P3H2: variants seen among roughly 807,000 people sequenced by gnomAD.
P3H2 encodes prolyl 3-hydroxylase 2.
A neutral mutation model predicts 87.0 loss-of-function variants in P3H2; 80 were observed. The ratio of observed to expected loss-of-function variants is 0.92; its 90% CI spans 0.77 to 1.11. The LOEUF is 1.11. Ranked by LOEUF, P3H2 falls within the 50% of genes least tolerant of loss-of-function variation. The probability of loss-of-function intolerance (pLI) is 0.00; values close to 1 mark genes in which losing one functional copy is unlikely to be tolerated. For synonymous variants in P3H2, 367 were observed against 359.3 expected, an observed-to-expected ratio of 1.02 and a Z score of -0.24; for missense variants, 1,001 against 923.9, an observed-to-expected ratio of 1.08 and a Z score of -1.08.
chr3:190,025,552 C>T (rs571794116), intron 1 of P3H2, among the ~76,000 whole-genome samples: 6 of 152,156 alleles, frequency 3.9e-5, no homozygotes, highest in South Asian at 4.1e-4. Context: ...GGTTATGATG[C>T]GGATAATGTA....
intron 1 of P3H2, among the ~76,000 whole-genome samples, chr3:190,109,863 T>C (rs1577328502): frequency 7.6e-6 from 1 of 131,948 alleles, no homozygotes. Context: ...TTTTTTTTTT[T>C]TTTGACACAG....
intron 1 of P3H2, among the ~76,000 whole-genome samples, chr3:190,059,231 CTGTCTCCCCTACTGA>C (rs1238273838): frequency 6.6e-6 from 1 of 152,134 alleles, no homozygotes; most frequent in East Asian, 1.9e-4. Flanking sequence ...GTCTTCATGT[CTGTCTCCCCTACTGA>C]TGGTGAGTTT....
intron 1 of P3H2, among the ~76,000 whole-genome samples, chr3:190,053,807 T>G (rs541629574): frequency 6.6e-6 from 1 of 152,236 alleles, no homozygotes; most frequent in African/African-American, 2.4e-5. Flanking sequence ...GGGGCCCAAT[T>G]TGTTGATCTA....
Position 190,019,788 on chromosome 3 carries a change from ATAT to A in P3H2, c.481-24349_481-24347del, listed in dbSNP as rs1560365206. On this transcript the variant is annotated intron_variant, in intron 1 of 14. Coordinates refer to ENST00000319332, the MANE Select transcript of P3H2 (RefSeq NM_018192.4). ...TGACATTACCTAGAAATTAAAAAAT[ATAT>A]ATATATATATATATATATATATATA... Among the ~76,000 whole-genome samples the A allele has an allele frequency of 6.3e-4, 21 of 33,182 alleles. 5 individuals are homozygous for A. Among genetic ancestry groups the A allele is most frequent in the East Asian group, 2.7e-3 (2 of 748 alleles). 21.8% of individuals were successfully genotyped at this position (33,182 alleles called of 152,430 possible).
At position 190,040,100 on chromosome 3, in the gene P3H2, C is replaced by T. The variant is rs144567906; in HGVS notation, c.481-44658G>A. On this transcript the variant is annotated intron_variant, in intron 1 of 14. Coordinates refer to ENST00000319332, the MANE Select transcript of P3H2 (RefSeq NM_018192.4). ...TTTTTATATGTAATAATTCAAGATG[C>T]GTATCTTCAAGTCCTCAGTAATTGG... Among the ~76,000 whole-genome samples, 722 of 152,184 alleles carry T rather than the reference C, an allele frequency of 4.7e-3. 8 individuals carry two copies. The highest frequency in any genetic ancestry group is 0.016 in the African/African-American group (676 of 41,496).
At chr3:190,068,672 G>A (rs1726594245) in intron 1 of P3H2, among the ~76,000 whole-genome samples, 1 of 152,134 alleles carries the variant, frequency 6.6e-6, no homozygotes, top group Non-Finnish European at 1.5e-5. Flanking sequence ...AGGTGGACGA[G>A]TAGACAGAGC....
intron 8 of P3H2, among the ~76,000 whole-genome samples, chr3:189,978,761 G>A (rs1723430271): frequency 6.6e-6 from 1 of 150,896 alleles, no homozygotes; most frequent in South Asian, 2.1e-4. Context: ...ATGACTACCA[G>A]TCTTAAGCTG....
At chr3:189,999,856 C>G (rs1724156563) in intron 1 of P3H2, among the ~76,000 whole-genome samples, 1 of 152,154 alleles carries the variant, frequency 6.6e-6, no homozygotes. Context: ...TCCTCTCAAG[C>G]TGTGAAGAAC....
Position 190,002,380 on chromosome 3 carries a change from G to A in P3H2, c.481-6938C>T, listed in dbSNP as rs141567981. Among the ~76,000 whole-genome samples, 114 of 151,630 alleles carry A rather than the reference G, an allele frequency of 7.5e-4. 1 individual carries two copies. Among genetic ancestry groups the A allele is most frequent in the African/African-American group, 2.6e-3 (107 of 41,364 alleles). ...TACAGTAACTATATTATATTATGTTGGGTTTCTTTCTTTCTTTTTTCTTTT... is the reference window on the plus strand; with the variant it reads ...TACAGTAACTATATTATATTATGTTAGGTTTCTTTCTTTCTTTTTTCTTTT... On this transcript the variant is annotated intron_variant, in intron 1 of 14. Transcript: ENST00000319332.
At position 190,066,907 on chromosome 3, in the gene P3H2, C is replaced by T. The variant is rs562498703; in HGVS notation, c.480+53345G>A. On this transcript the variant is annotated intron_variant, in intron 1 of 14. Transcript: ENST00000319332. ...TCTCCTTCCACCTTTCCAGACCCAG[C>T]TCAAATGCCACTTCCTGGGTAAAGC... Among the ~76,000 whole-genome samples the T allele has an allele frequency of 6.6e-5, 10 of 152,212 alleles. No individual in the cohort carries two copies. The South Asian group carries it at 1.9e-3, about 28-fold the overall frequency.
At chr3:190,066,158 T>TATATATATATATACATACACACACAC in intron 1 of P3H2, among the ~76,000 whole-genome samples, 1 of 134,620 alleles carries the variant, frequency 7.4e-6, no homozygotes, top group Non-Finnish European at 1.6e-5. Flanking sequence ...TATATATATA[T>TATATATATATATACATACACACACAC]ACACACACAC....
Position 190,120,582 on chromosome 3 carries a change from G to C in P3H2, c.150C>G (p.Ser50Arg). ...PLQPFDLLYA[S>R]GAAAYYSGDY... The stretch of plus-strand genomic sequence containing the variant: ...CTCCGCTGTAGTAGGCGGCCGCGCC[G>C]CTGGCGTAGAGCAGGTCGAAGGGCT... Residue 50 changes from serine (S) to arginine (R), a missense_variant, in exon 1 of 15, where the codon AGC becomes AGG. Physicochemically the swap from Ser to Arg is moderately radical, Grantham distance 110. Coordinates refer to ENST00000319332, the MANE Select transcript of P3H2 (RefSeq NM_018192.4). 6.5e-7 allele frequency: 1 copy of C among 1,541,802 alleles called. No individual in the cohort carries two copies. The highest frequency in any genetic ancestry group is 8.7e-7 in the Non-Finnish European group (1 of 1,154,140).
At chr3:189,964,634 G>A (rs1174456950) in intron 13 of P3H2, among the ~76,000 whole-genome samples, 1 of 152,226 alleles carries the variant, frequency 6.6e-6, no homozygotes, top group South Asian at 2.1e-4. Context: ...ATTTTTAAAA[G>A]TCATAATTCT....
chr3:190,042,953 T>C (rs181658421), intron 1 of P3H2, among the ~76,000 whole-genome samples: 2 of 152,314 alleles, frequency 1.3e-5, no homozygotes, highest in African/African-American at 4.8e-5. Context: ...TTTTTTTCAT[T>C]TGAAATGTAA....
At chr3:189,998,391 T>A (rs933524500) in intron 1 of P3H2, among the ~76,000 whole-genome samples, 3 of 152,220 alleles carry the variant, frequency 2.0e-5, no homozygotes, top group East Asian at 3.9e-4. Context: ...ACTTAGAGAA[T>A]CTTTGTCCCT....
chr3:190,031,714 A>G (rs1020891965), intron 1 of P3H2, among the ~76,000 whole-genome samples: 5 of 149,678 alleles, frequency 3.3e-5, no homozygotes, highest in African/African-American at 4.9e-5. Context: ...AAAATCACTA[A>G]AAGTCTAATA....
chr3:190,069,672 T>C (rs1357564146), intron 1 of P3H2, among the ~76,000 whole-genome samples: 1 of 152,026 alleles, frequency 6.6e-6, no homozygotes, highest in Non-Finnish European at 1.5e-5. Flanking sequence ...AGAGAGAAAA[T>C]GTCCAGTTAA....
chr3:190,037,243 T>C (rs972517933), intron 1 of P3H2, among the ~76,000 whole-genome samples: 2 of 152,156 alleles, frequency 1.3e-5, no homozygotes, highest in Non-Finnish European at 2.9e-5. Flanking sequence ...AACTTAATTC[T>C]AGAATTCTGA....
In P3H2 at chr3:189,971,885, T is replaced by C. The variant is rs1348076667; in HGVS notation, c.1817+5A>G. 1 of 1,536,722 alleles carries C rather than the reference T, an allele frequency of 6.5e-7. No individual in the cohort carries two copies. On this transcript the variant is annotated splice_donor_5th_base_variant and intron_variant, in intron 12 of 14. Coordinates refer to ENST00000319332, the MANE Select transcript of P3H2 (RefSeq NM_018192.4). ...GCTTTGTTTTGAAGCAGGTTCTAGC[T>C]ATACCTATAGTCTCGAAATGTGTAA...
Sources: gnomAD v4.1 joint callset for allele counts (sites outside exome capture counted in the v4.1 genomes callset) on GRCh38, gnomAD v4.1.1 for gene constraint, MANE v1.5 for transcripts, NCBI Gene and HGNC (gene_info 2026-07-23, HGNC 2026-07-21) for gene names.